LMBR1: variants seen among roughly 807,000 people sequenced by gnomAD.
LMBR1 encodes limb development membrane protein 1, also known as limb region 1 protein homolog.
LMBR1 carries 52 observed loss-of-function variants against 73.9 expected under a neutral mutation model. The observed-to-expected ratio is 0.70, with a 90% confidence interval of 0.56 to 0.89. The LOEUF is 0.89. Ranked by LOEUF, LMBR1 falls within the 40% of genes least tolerant of loss-of-function variation. LMBR1 has a pLI of 0.00. For missense variants in LMBR1, 539 were observed against 579.8 expected (o/e 0.93, Z 0.72); for synonymous variants, 215 against 209.4 (o/e 1.03, Z -0.23).
chr7:156,765,070 T>C (rs1190735847), intron 5 of LMBR1, among the ~76,000 whole-genome samples: 1 of 152,216 alleles, frequency 6.6e-6, no homozygotes, highest in Non-Finnish European at 1.5e-5. Flanking sequence ...AGTAAGTAGC[T>C]ATTAATCACA....
At chr7:156,801,127 C>A (rs991037833) in intron 4 of LMBR1, among the ~76,000 whole-genome samples, 1 of 152,180 alleles carries the variant, frequency 6.6e-6, no homozygotes, top group African/African-American at 2.4e-5. Context: ...TTTGAAAGAA[C>A]TTCTACTGTG....
chr7:156,676,871 T>C (rs1804155759), downstream of LMBR1: 1 of 538,492 alleles, frequency 1.9e-6, no homozygotes, highest in Non-Finnish European at 3.3e-6. Flanking sequence ...AATTTATGAG[T>C]TTAATCACTT....
At chr7:156,775,537 C>G (rs1333287052) in intron 5 of LMBR1, among the ~76,000 whole-genome samples, 1 of 152,116 alleles carries the variant, frequency 6.6e-6, no homozygotes, top group African/African-American at 2.4e-5. Flanking sequence ...TATCTTAAAT[C>G]ATGGTGAATG....
At chr7:156,675,655 G>A (rs765858545), downstream of LMBR1, 55 of 1,578,422 alleles carry the variant, frequency 3.5e-5, no homozygotes, top group Middle Eastern at 1.0e-3. Context: ...AACCTCCACC[G>A]AGCTCAGGTG....
At chr7:156,875,148 C>T (rs1799965974) in intron 1 of LMBR1, among the ~76,000 whole-genome samples, 1 of 152,010 alleles carries the variant, frequency 6.6e-6, no homozygotes, top group Non-Finnish European at 1.5e-5. Context: ...TAGAGAAATG[C>T]AAAATTTTCT....
At chr7:156,807,494 T>C (rs1170372081) in intron 4 of LMBR1, among the ~76,000 whole-genome samples, 2 of 152,250 alleles carry the variant, frequency 1.3e-5, no homozygotes, top group African/African-American at 4.8e-5. Context: ...ATGCAATTAT[T>C]ATCCTTTTAA....
At chr7:156,880,408 G>C (rs1228283493) in intron 1 of LMBR1, among the ~76,000 whole-genome samples, 1 of 152,056 alleles carries the variant, frequency 6.6e-6, no homozygotes, top group Non-Finnish European at 1.5e-5. Flanking sequence ...TATACTGCTT[G>C]TGTGATGGGT....
intron 15 of LMBR1, among the ~76,000 whole-genome samples, chr7:156,697,616 A>C (rs1264146900): frequency 3.9e-5 from 6 of 152,098 alleles, no homozygotes; most frequent in African/African-American, 9.7e-5. Context: ...TATCTTCCCT[A>C]TTTGCATGTC....
At chr7:156,770,655 T>C (rs1349087791) in intron 5 of LMBR1, among the ~76,000 whole-genome samples, 1 of 152,158 alleles carries the variant, frequency 6.6e-6, no homozygotes, top group Non-Finnish European at 1.5e-5. Context: ...GGCTCATGCT[T>C]GTAATCCTAG....
At chr7:156,698,853 G>C (rs1343003960) in intron 15 of LMBR1, among the ~76,000 whole-genome samples, 1 of 152,172 alleles carries the variant, frequency 6.6e-6, no homozygotes, top group Non-Finnish European at 1.5e-5. Context: ...GCAAACTTCT[G>C]CAGCTGGCTT....
chr7:156,767,674 GAAC>G (rs1456060772), intron 5 of LMBR1, among the ~76,000 whole-genome samples: 1 of 151,360 alleles, frequency 6.6e-6, no homozygotes, highest in Non-Finnish European at 1.5e-5. Flanking sequence ...CTAGAAAACA[GAAC>G]AAAAATGTAA....
chr7:156,844,725 C>T (rs1045809829), intron 1 of LMBR1, among the ~76,000 whole-genome samples: 5 of 151,992 alleles, frequency 3.3e-5, no homozygotes, highest in African/African-American at 1.2e-4. Context: ...TTTCAGAGCT[C>T]ACAGCAAAAT....
intron 15 of LMBR1, among the ~76,000 whole-genome samples, chr7:156,716,951 A>G (rs1479992010): frequency 6.6e-6 from 1 of 152,042 alleles, no homozygotes; most frequent in East Asian, 1.9e-4. Flanking sequence ...AAGCCCAGGT[A>G]GTAGAGTGAG....
chr7:156,722,422 G>A (rs2132340999), intron 15 of LMBR1, among the ~76,000 whole-genome samples: 1 of 152,126 alleles, frequency 6.6e-6, no homozygotes, highest in South Asian at 2.1e-4. Context: ...GGTTAATAGA[G>A]GAATTACAAA....
At chr7:156,732,855 T>C (rs1369232135) in intron 10 of LMBR1, among the ~76,000 whole-genome samples, 1 of 152,160 alleles carries the variant, frequency 6.6e-6, no homozygotes, top group East Asian at 1.9e-4. Context: ...ACACAGCTAC[T>C]ATAAGTGGCC....
At chr7:156,675,133 G>GAGA (rs1310295318), downstream of LMBR1, among the ~76,000 whole-genome samples, 13 of 152,110 alleles carry the variant, frequency 8.5e-5, no homozygotes, top group Non-Finnish European at 1.3e-4. Flanking sequence ...AGAGGCAGCG[G>GAGA]CGACCCGAAG....
chr7:156,816,566 T>C (rs1036008166), intron 4 of LMBR1, among the ~76,000 whole-genome samples: 2 of 152,198 alleles, frequency 1.3e-5, no homozygotes, highest in Non-Finnish European at 2.9e-5. Context: ...CCAGCTTTTT[T>C]CAACCTAGGT....
chr7:156,850,861 A>G (rs1266367205), intron 1 of LMBR1, among the ~76,000 whole-genome samples: 1 of 152,034 alleles, frequency 6.6e-6, no homozygotes, highest in African/African-American at 2.4e-5. Context: ...TTGGAGGTGA[A>G]CCCTGGTGGA....
intron 1 of LMBR1, among the ~76,000 whole-genome samples, chr7:156,839,586 T>C (rs374420408): frequency 6.6e-6 from 1 of 152,158 alleles, no homozygotes; most frequent in South Asian, 2.1e-4. Context: ...TTGTGTGTAT[T>C]TCTGAAGAAG....
Sources: allele counts gnomAD v4.1 joint callset (sites outside exome capture counted in the v4.1 genomes callset), GRCh38; gene constraint gnomAD v4.1.1; transcripts MANE v1.5; gene names NCBI Gene and HGNC (gene_info 2026-07-23, HGNC 2026-07-21).